DNAH8: variants seen among roughly 807,000 people sequenced by gnomAD.
DNAH8 encodes axonemal beta dynein heavy chain 8.
Under a neutral mutation model 562.1 loss-of-function variants are expected in DNAH8, and 382 were observed. The ratio of observed to expected loss-of-function variants is 0.68; its 90% CI spans 0.63 to 0.74. DNAH8 has a LOEUF of 0.74. Among genes scored for constraint, DNAH8 ranks in the 30% least tolerant of loss-of-function variants. DNAH8 has a pLI of 0.00. For synonymous variants in DNAH8, 1,881 were observed against 1,919.4 expected, an observed-to-expected ratio of 0.98 and a Z score of 0.52; for missense variants, 5,203 against 5,620.4, an observed-to-expected ratio of 0.93 and a Z score of 2.37.
intron 4 of DNAH8, among the ~76,000 whole-genome samples, chr6:38,730,436 T>C (rs1197933930): frequency 6.6e-6 from 1 of 152,214 alleles, no homozygotes; most frequent in African/African-American, 2.4e-5. Flanking sequence ...ATTAACATGC[T>C]ACCAGCTTGT....
chr6:38,718,013 T>C (rs1762475214), intron 1 of DNAH8, among the ~76,000 whole-genome samples: 1 of 152,238 alleles, frequency 6.6e-6, no homozygotes, highest in African/African-American at 2.4e-5. Flanking sequence ...TTGCTTTTTA[T>C]GTAACGATGT....
chr6:38,983,077 A>T (rs986504185), intron 86 of DNAH8, among the ~76,000 whole-genome samples: 1 of 152,244 alleles, frequency 6.6e-6, no homozygotes. Context: ...CAGAGCTGAG[A>T]ACGTAAAATC....
chr6:38,945,435 C>T, intron 79 of DNAH8, 32 bp from the exon 80 acceptor site: 6 of 1,612,520 alleles, frequency 3.7e-6, no homozygotes, highest in Non-Finnish European at 5.1e-6. Flanking sequence ...TACAGGCTTA[C>T]CCAATTCACC....
Position 38,894,731 on chromosome 6 carries a change from C to G in DNAH8, c.8614C>G (p.His2872Asp). Residue 2872 changes from histidine to aspartate, a missense_variant, in exon 59 of 93, where the codon CAT (histidine) becomes GAT (aspartate). His to Asp is a moderately conservative substitution (Grantham distance 81). Transcript: ENST00000327475. ...VKMLPTPSKF[H>D]YIFNLRDLSR... ...GATGCTGCCAACTCCTTCTAAATTT[C>G]ATTACATCTTCAATCTTCGAGATCT... 2 of 1,613,934 alleles carry G rather than the reference C, an allele frequency of 1.2e-6. No individual in the cohort carries two copies. The highest frequency in any genetic ancestry group is 1.7e-6 in the Non-Finnish European group (2 of 1,179,902).
At chr6:38,715,936 A>T (rs1487858952) in intron 1 of DNAH8, among the ~76,000 whole-genome samples, 1 of 18,124 alleles carries the variant, frequency 5.5e-5, no homozygotes, top group Admixed American at 6.5e-4. Context: ...ATATATATAT[A>T]TATATATATA....
At chr6:38,875,253 A>G (rs1445925789) in intron 52 of DNAH8, among the ~76,000 whole-genome samples, 2 of 152,238 alleles carry the variant, frequency 1.3e-5, no homozygotes, top group African/African-American at 2.4e-5. Context: ...ACTTAACTTT[A>G]GAACCAGTAG....
rs2150445794 is a variant in DNAH8 at position 38,875,802 on chromosome 6, T to A, written c.7832T>A (p.Met2611Lys). ...PEIPKGSNQTMYEFYVTDYGD... is the reference protein window; with the variant it reads ...PEIPKGSNQTKYEFYVTDYGD... ...ATACCTAAAGGCTCAAATCAAACCA[T>A]GTATGAGTTTTATGTTACTGATTAT... is the stretch of plus-strand genomic sequence containing the variant. Residue 2611 changes from methionine (M) to lysine (K), a missense_variant, in exon 53 of 93, where the codon ATG becomes AAG. Met to Lys is a moderately conservative substitution (Grantham distance 95). Around this residue, in one of 6 missense-constraint regions of DNAH8, gnomAD observed 977 missense variants for 1,061.8 expected, o/e 0.92. Coordinates refer to ENST00000327475, the MANE Select transcript of DNAH8 (RefSeq NM_001206927.2). 10 of 1,613,500 alleles carry A rather than the reference T, an allele frequency of 6.2e-6. No homozygotes were observed. Among genetic ancestry groups the A allele is most frequent in the Non-Finnish European group, 4.2e-6 (5 of 1,179,514 alleles).
intron 52 of DNAH8, among the ~76,000 whole-genome samples, chr6:38,874,787 C>G (rs1288991039): frequency 6.6e-6 from 1 of 152,176 alleles, no homozygotes; most frequent in African/African-American, 2.4e-5. Flanking sequence ...CTTACACATT[C>G]TAGAGCTTCA....
At chr6:38,768,599 T>A (rs1191770724) in intron 11 of DNAH8, among the ~76,000 whole-genome samples, 2 of 152,130 alleles carry the variant, frequency 1.3e-5, no homozygotes. Context: ...GACTATACTT[T>A]CTGTTTCTTC....
chr6:38,734,708 CT>C, intron 5 of DNAH8, 83 bp downstream of exon 5: 2 of 1,452,330 alleles, frequency 1.4e-6, no homozygotes, highest in South Asian at 1.3e-5. Context: ...TTTGCTTTCC[CT>C]TTTTAAATAT....
chr6:38,912,263 G>C (rs915745887), intron 66 of DNAH8, among the ~76,000 whole-genome samples: 4 of 152,148 alleles, frequency 2.6e-5, no homozygotes, highest in Non-Finnish European at 4.4e-5. Context: ...AGGAGTTCAA[G>C]AGCAGCCTGG....
chr6:38,944,354 A>C (rs79066386), intron 79 of DNAH8, among the ~76,000 whole-genome samples: 6 of 152,216 alleles, frequency 3.9e-5, no homozygotes, highest in Non-Finnish European at 8.8e-5. Flanking sequence ...ACATGAAAAA[A>C]GTACTTTCGT....
rs746329893 is a variant in DNAH8 at position 38,814,052 on chromosome 6, A to C, written c.3258-2A>C. 1 of 1,585,306 alleles carries C rather than the reference A, an allele frequency of 6.3e-7. No individual in the cohort carries two copies. The highest frequency in any genetic ancestry group is 8.6e-7 in the Non-Finnish European group (1 of 1,156,842). On this transcript the variant is annotated splice_acceptor_variant, in intron 24 of 92. Coordinates refer to ENST00000327475, the MANE Select transcript of DNAH8 (RefSeq NM_001206927.2). LOFTEE classifies it high-confidence loss of function. ...ATCAGCTAAATGTCCATCTCATTGC[A>C]GCCTTTATGGGCGAAAGCAGTCAGA...
intron 85 of DNAH8, among the ~76,000 whole-genome samples, chr6:38,974,861 A>T (rs1221291274): frequency 6.6e-6 from 1 of 152,188 alleles, no homozygotes; most frequent in Non-Finnish European, 1.5e-5. Context: ...AATGGATTAT[A>T]AAGATAGGAG....
At chr6:38,863,230 A>AAG (rs36110800) in intron 44 of DNAH8, among the ~76,000 whole-genome samples, 91,264 of 151,438 alleles carry the variant, frequency 0.6, 27,887 homozygotes, top group East Asian at 0.7. Context: ...TCGGGAGTTC[A>AAG]ACCATCCTGG....
intron 87 of DNAH8, among the ~76,000 whole-genome samples, chr6:38,986,121 G>GTA (rs945642485): frequency 6.6e-6 from 1 of 152,220 alleles, no homozygotes; most frequent in Non-Finnish European, 1.5e-5. Context: ...CTGCTCCTGA[G>GTA]TATATGTCCC....
At chr6:38,762,300 A>G (rs1375243404) in intron 11 of DNAH8, among the ~76,000 whole-genome samples, 2 of 152,096 alleles carry the variant, frequency 1.3e-5, no homozygotes, top group Non-Finnish European at 2.9e-5. Context: ...GATTTGGAAA[A>G]TTTTCTTCTG....
chr6:38,762,667 A>G (rs1487048527), intron 11 of DNAH8, among the ~76,000 whole-genome samples: 1 of 152,242 alleles, frequency 6.6e-6, no homozygotes, highest in African/African-American at 2.4e-5. Flanking sequence ...AGTTTGAAAG[A>G]AATGGCCACA....
At position 38,875,648 on chromosome 6, in the gene DNAH8, GTCGAACA is replaced by G; in HGVS notation, c.7681_7687del (p.Glu2561PhefsTer9). 2.5e-6 allele frequency: 4 copies of G among 1,613,732 alleles called. No individual in the cohort carries two copies. The highest frequency in any genetic ancestry group is 3.4e-6 in the Non-Finnish European group (4 of 1,179,746). On this transcript the variant is annotated frameshift_variant, in exon 53 of 93. Coordinates refer to ENST00000327475, the MANE Select transcript of DNAH8 (RefSeq NM_001206927.2). LOFTEE classifies it high-confidence loss of function. ...CAAAGAAGAAGGCGGTGTTTCCTGT[GTCGAACA>G]TCTTCATAAATTATTTGTGTTTGGC... is the stretch of plus-strand genomic sequence containing the variant.
Sources: gnomAD v4.1 joint callset for allele counts (sites outside exome capture counted in the v4.1 genomes callset) on GRCh38, gnomAD v4.1.1 for gene constraint, gnomAD v4.1.1 regional missense constraint, MANE v1.5 for transcripts, NCBI Gene and HGNC (gene_info 2026-07-23, HGNC 2026-07-21) for gene names.